The following DROSHA variants were observed in gnomAD, a reference collection of about 807,000 sequenced individuals.
DROSHA encodes drosha ribonuclease III, also known as ribonuclease 3.
DROSHA carries 56 observed loss-of-function variants against 181.9 expected under a neutral mutation model. That is an observed-to-expected ratio of 0.31 (90% CI 0.25 to 0.38). DROSHA has a LOEUF of 0.38. Among genes scored for constraint, DROSHA ranks in the 10% least tolerant of loss-of-function variants. The probability of loss-of-function intolerance (pLI) is 1.00; values close to 1 mark genes in which losing one functional copy is unlikely to be tolerated. For missense variants in DROSHA, 1,218 were observed against 1,743.5 expected, an observed-to-expected ratio of 0.70 and a Z score of 5.37; for synonymous variants, 524 against 591.2, an observed-to-expected ratio of 0.89 and a Z score of 1.65.
chr5:31,484,394 A>C (rs1298180223), intron 15 of DROSHA, among the ~76,000 whole-genome samples: 2 of 70,476 alleles, frequency 2.8e-5, no homozygotes, highest in East Asian at 1.0e-3. Flanking sequence ...AAAAAAAAAA[A>C]AAAAAAAAAA....
Position 31,526,600 on chromosome 5 carries a change from G to C in DROSHA, c.333C>G (p.Phe111Leu), listed in dbSNP as rs1233411267. The change falls in exon 5 of 36, where the codon TTC (phenylalanine) becomes TTG (leucine). Residue 111 changes from phenylalanine to leucine, a missense_variant. Physicochemically the swap from Phe to Leu is conservative, Grantham distance 22 (BLOSUM62 0). Around this residue, in one of 8 missense-constraint regions of DROSHA, gnomAD observed 536 missense variants for 535.4 expected, o/e 1.00. Coordinates refer to ENST00000344624, the MANE Select transcript of DROSHA (RefSeq NM_001382508.1). ...TGGGAGGAAAACAAGGAGGAACTGG[G>C]AAGGGGTGCCTCATCTGGTGGTTGG... ...PFPNHQMRHP[F>L]PVPPCFPPMP... 1.3e-6 allele frequency: 2 copies of C among 1,525,172 alleles called. No homozygotes were observed. Among genetic ancestry groups the C allele is most frequent in the Non-Finnish European group, 1.8e-6 (2 of 1,138,784 alleles). The allele number at this position is 1,525,172 out of a possible 1,614,324, so 94.5% of individuals were successfully genotyped here.
chr5:31,498,541 CA>C (rs1753246585), intron 11 of DROSHA, among the ~76,000 whole-genome samples: 1 of 152,092 alleles, frequency 6.6e-6, no homozygotes, highest in Non-Finnish European at 1.5e-5. Context: ...GGTGGTGGAA[CA>C]GTATATGCAT....
chr5:31,493,937 T>TTGTGTGTGTGTGTGTGTGTGTGTG (rs67311624), intron 12 of DROSHA, among the ~76,000 whole-genome samples: 5 of 144,720 alleles, frequency 3.5e-5, no homozygotes, highest in African/African-American at 1.3e-4. Context: ...TAACCCACCA[T>TTGTGTGTGTGTGTGTGTGTGTGTG]TGTGTGTGTG....
chr5:31,433,652 C>G (rs954053063), intron 25 of DROSHA, among the ~76,000 whole-genome samples: 2 of 152,136 alleles, frequency 1.3e-5, no homozygotes, highest in Admixed American at 6.5e-5. Context: ...TCACGCCATT[C>G]TCCTGCCTCA....
intron 30 of DROSHA, among the ~76,000 whole-genome samples, chr5:31,412,813 G>A (rs1449701028): frequency 6.6e-6 from 1 of 152,230 alleles, no homozygotes; most frequent in Non-Finnish European, 1.5e-5. Context: ...CTAATATCTT[G>A]TAATTATGGA....
At chr5:31,405,878 C>T (rs1463375141) in intron 34 of DROSHA, among the ~76,000 whole-genome samples, 155 bp from the exon 35 acceptor site, 2 of 145,602 alleles carry the variant, frequency 1.4e-5, no homozygotes, top group Admixed American at 1.4e-4. Context: ...TACAGTGTCA[C>T]ACACTGAATT....
chr5:31,531,276 G>A (rs909747602), intron 2 of DROSHA, among the ~76,000 whole-genome samples, 174 bp downstream of exon 2: 1 of 152,194 alleles, frequency 6.6e-6, no homozygotes, highest in African/African-American at 2.4e-5. Flanking sequence ...TCAGGGTCAC[G>A]AACACTCTTG....
chr5:31,459,539 A>G (rs1400358374), intron 20 of DROSHA, among the ~76,000 whole-genome samples: 2 of 152,164 alleles, frequency 1.3e-5, no homozygotes, highest in Non-Finnish European at 2.9e-5. Context: ...CTAAAAATCA[A>G]AATTCCTTTG....
In DROSHA at chr5:31,429,458, T is replaced by C. The variant is rs560399959; in HGVS notation, c.3216+17A>G. ...ATAATATATAACAAAAAAAATCAAATGATTCCATAGAAATACCGGATCATT... is the reference window on the plus strand; with the variant it reads ...ATAATATATAACAAAAAAAATCAAACGATTCCATAGAAATACCGGATCATT... On this transcript the variant is annotated intron_variant, in intron 27 of 35. Transcript: ENST00000344624. The C allele has an allele frequency of 6.9e-6, 11 of 1,598,104 alleles. 1 individual carries two copies. In the East Asian group the frequency reaches 2.2e-4, roughly 33 times the overall value.
chr5:31,469,741 A>G (rs956791548), intron 17 of DROSHA, among the ~76,000 whole-genome samples: 5 of 152,178 alleles, frequency 3.3e-5, no homozygotes, highest in Non-Finnish European at 7.3e-5. Context: ...TTGAGGGAGC[A>G]GGAAATGAAA....
intron 34 of DROSHA, among the ~76,000 whole-genome samples, chr5:31,406,502 TA>T (rs1740672293): frequency 1.3e-5 from 2 of 151,204 alleles, no homozygotes; most frequent in African/African-American, 4.9e-5. Context: ...AAAAAAAAAA[TA>T]AATAAAAGTC....
chr5:31,468,097 A>G (rs958003228), intron 17 of DROSHA, 34 bp from the exon 18 acceptor site: 2 of 1,594,046 alleles, frequency 1.3e-6, no homozygotes, highest in Non-Finnish European at 8.6e-7. Context: ...TTATTCCCAT[A>G]AGAAGTCTTT....
intron 20 of DROSHA, chr5:31,463,938 A>C (rs1748725478): frequency 3.2e-6 from 1 of 308,506 alleles, no homozygotes; most frequent in African/African-American, 2.2e-5. Flanking sequence ...CAGATGCATG[A>C]GCAGATGCAT....
intron 16 of DROSHA, among the ~76,000 whole-genome samples, chr5:31,480,998 A>G (rs929084968): frequency 1.3e-5 from 2 of 152,240 alleles, no homozygotes; most frequent in Admixed American, 6.5e-5. Flanking sequence ...CATCTGCTCA[A>G]TGAATTATTA....
At chr5:31,468,366 T>C (rs1749341780) in intron 17 of DROSHA, among the ~76,000 whole-genome samples, 1 of 152,236 alleles carries the variant, frequency 6.6e-6, no homozygotes, top group South Asian at 2.1e-4. Context: ...AACTTTTCCT[T>C]AACCTCTCTG....
Position 31,409,187 on chromosome 5 carries a change from T to C in DROSHA, c.3751-28A>G. On this transcript the variant is annotated intron_variant, in intron 32 of 35. Transcript: ENST00000344624. The surrounding 1 kb of genome is among the most constrained non-coding windows in gnomAD (Gnocchi z 4.0). ...GTGGAAGTCCCCCAAAACTATTTAG[T>C]AATGGGTTCTGGAATCACCAAACAT... 1 of 1,611,292 alleles carries C rather than the reference T, an allele frequency of 6.2e-7. No individual in the cohort carries two copies. The highest frequency in any genetic ancestry group is 8.5e-7 in the Non-Finnish European group (1 of 1,178,628).
At chr5:31,507,258 C>A (rs1222907308) in intron 10 of DROSHA, among the ~76,000 whole-genome samples, 1 of 152,086 alleles carries the variant, frequency 6.6e-6, no homozygotes, top group Non-Finnish European at 1.5e-5. Context: ...GTCGGGAGTT[C>A]GAGACCAGCC....
intron 28 of DROSHA, among the ~76,000 whole-genome samples, chr5:31,424,098 G>A (rs1241058196): frequency 2.0e-5 from 3 of 152,198 alleles, no homozygotes. Context: ...AAGCAAGTGT[G>A]TAGATATACT....
chr5:31,458,334 AT>A (rs1747911476), intron 20 of DROSHA, among the ~76,000 whole-genome samples: 2 of 152,204 alleles, frequency 1.3e-5, no homozygotes, highest in Admixed American at 6.5e-5. Flanking sequence ...GTGCTGTTAA[AT>A]TGCTAATCTG....
Sources: gnomAD v4.1 joint callset for allele counts (sites outside exome capture counted in the v4.1 genomes callset) on GRCh38, gnomAD v4.1.1 for gene constraint, gnomAD v4.1.1 regional missense constraint, Gnocchi (gnomAD v3.1) non-coding constraint, MANE v1.5 for transcripts, NCBI Gene and HGNC (gene_info 2026-07-23, HGNC 2026-07-21) for gene names.